KANK1: variants seen among roughly 807,000 people sequenced by gnomAD.
KANK1 encodes the protein KN motif and ankyrin repeat domains 1, also known as KN motif and ankyrin repeat domain-containing protein 1.
Under a neutral mutation model 106.2 loss-of-function variants are expected in KANK1, and 109 were observed. That is an observed-to-expected ratio of 1.03 (90% CI 0.88 to 1.20). KANK1 has a LOEUF of 1.20. Among genes scored for constraint, KANK1 ranks in the 50% most tolerant of loss-of-function variants. The pLI, the probability that KANK1 is intolerant of heterozygous loss-of-function variation, is 0.00. For synonymous variants in KANK1, 873 were observed against 652.2 expected, an observed-to-expected ratio of 1.34 and a Z score of -5.16; for missense variants, 2,399 against 1,710.7, an observed-to-expected ratio of 1.40 and a Z score of -7.10.
intron 2 of KANK1, chr9:706,758 C>T: frequency 1.0e-6 from 1 of 984,900 alleles, no homozygotes; most frequent in Non-Finnish European, 1.2e-6. Flanking sequence ...TGCTCTGGAA[C>T]CAGTGAGTGC....
intron 1 of KANK1, among the ~76,000 whole-genome samples, chr9:512,124 A>G (rs1018719133): frequency 6.6e-6 from 1 of 152,144 alleles, no homozygotes; most frequent in African/African-American, 2.4e-5. Context: ...TGGCAACTAC[A>G]TGTCTTCATG....
intron 1 of KANK1, among the ~76,000 whole-genome samples, chr9:562,252 C>T (rs1027636923): frequency 8.0e-5 from 12 of 150,898 alleles, no homozygotes; most frequent in Non-Finnish European, 1.3e-4. Context: ...CGGGGTTTCA[C>T]CTTGTTAGCC....
rs1326917345 is a variant in KANK1 at position 711,044 on chromosome 9, C to T, written c.278C>T (p.Ser93Leu). ...ATATGGACTTCCACTGAATCCCTCT[C>T]ATCCTCCAACAGTGATGACAACAAG... ...QGIWTSTESL[S>L]SSNSDDNKQC... Residue 93 changes from serine (S) to leucine (L), a missense_variant, in exon 3 of 12, where the codon TCA (serine) becomes TTA (leucine). Ser to Leu is a moderately radical substitution (Grantham distance 145). Coordinates refer to ENST00000382297, the MANE Select transcript of KANK1 (RefSeq NM_015158.5). The T allele has an allele frequency of 6.2e-7, 1 of 1,614,186 alleles. No individual in the cohort carries two copies. Among genetic ancestry groups the T allele is most frequent in the Admixed American group, 1.7e-5 (1 of 60,016 alleles).
At chr9:509,865 G>T (rs10974909) in intron 1 of KANK1, among the ~76,000 whole-genome samples, 1 of 152,128 alleles carries the variant, frequency 6.6e-6, no homozygotes, top group Non-Finnish European at 1.5e-5. Context: ...GACAGGATCA[G>T]AGCTCGCTGT....
chr9:730,275 G>C, intron 4 of KANK1, 27 bp downstream of exon 4: 1 of 1,608,052 alleles, frequency 6.2e-7, no homozygotes, highest in Non-Finnish European at 8.5e-7. Context: ...ACAGTCATTG[G>C]CATCAGGATT....
chr9:565,300 C>G (rs1234204272), intron 1 of KANK1, among the ~76,000 whole-genome samples: 1 of 152,162 alleles, frequency 6.6e-6, no homozygotes, highest in African/African-American at 2.4e-5. Context: ...ATAGTTCTTG[C>G]AATGGGAAAG....
rs148376689 is a variant in KANK1, at chr9:512,465, C to G, written c.-84+7711C>G. Reference sequence around the variant, plus strand: ...CTTTAGTTGTTTGCATGAGGCCCACCCACATTATGGAGGGCAGTCTCTTTT... The same window carrying G: ...CTTTAGTTGTTTGCATGAGGCCCACGCACATTATGGAGGGCAGTCTCTTTT... On this transcript the variant is annotated intron_variant, in intron 1 of 11. Transcript: ENST00000382297. 3.4e-3 allele frequency among the ~76,000 whole-genome samples: 520 copies of G among 151,956 alleles called. 6 individuals are homozygous for G. The highest frequency in any genetic ancestry group is 0.012 in the African/African-American group (498 of 41,392).
chr9:667,080 C>T (rs555440870), intron 1 of KANK1, among the ~76,000 whole-genome samples: 1 of 150,668 alleles, frequency 6.6e-6, no homozygotes, highest in Non-Finnish European at 1.5e-5. Flanking sequence ...AGATCCTCGA[C>T]TTTTCTTTGA....
At chr9:549,020 TG>T (rs2061106558) in intron 1 of KANK1, 1 of 152,158 alleles carries the variant, frequency 6.6e-6, no homozygotes, top group Non-Finnish European at 1.5e-5. Flanking sequence ...ATTATAGATA[TG>T]GTCATGTAAG....
At chr9:669,286 A>G (rs1456800644) in intron 1 of KANK1, among the ~76,000 whole-genome samples, 2 of 152,120 alleles carry the variant, frequency 1.3e-5, no homozygotes, top group Non-Finnish European at 2.9e-5. Flanking sequence ...GGGGGTTTCT[A>G]TACTTGATGT....
At chr9:581,199 G>C (rs779914877) in intron 1 of KANK1, among the ~76,000 whole-genome samples, 1 of 152,146 alleles carries the variant, frequency 6.6e-6, no homozygotes, top group Admixed American at 6.5e-5. Flanking sequence ...CTCCGGCCTC[G>C]GCCAGCCCAG....
At chr9:732,756 A>T in intron 6 of KANK1, 139 bp downstream of exon 6, 1 of 900,106 alleles carries the variant, frequency 1.1e-6, no homozygotes, top group South Asian at 1.7e-5. Context: ...TTGAGATACT[A>T]ATATATACAA....
chr9:624,512 G>T (rs1465749780), intron 1 of KANK1, among the ~76,000 whole-genome samples: 1 of 152,012 alleles, frequency 6.6e-6, no homozygotes, highest in African/African-American at 2.4e-5. Context: ...TAAAAACAAT[G>T]ATGAAAACAG....
upstream of KANK1, among the ~76,000 whole-genome samples, chr9:504,483 C>G (rs952854779): frequency 1.3e-5 from 2 of 151,612 alleles, no homozygotes; most frequent in Non-Finnish European, 2.9e-5. Context: ...CGGGCGTCCT[C>G]TGGGCGGAGG....
At chr9:744,716 G>A (rs1231874528) in intron 11 of KANK1, 127 bp downstream of exon 11, 1 of 1,568,448 alleles carries the variant, frequency 6.4e-7, no homozygotes, top group South Asian at 1.2e-5. Context: ...TTAGTCTGGA[G>A]CTTAAGAGTT....
chr9:633,134 T>A lies in KANK1; in HGVS notation c.-83-43756T>A, dbSNP rs549060791. Among the ~76,000 whole-genome samples the A allele has an allele frequency of 1.2e-3, 183 of 152,242 alleles. 2 individuals are homozygous for A. The highest frequency in any genetic ancestry group is 4.3e-4 in the Non-Finnish European group (29 of 68,014). Reference sequence around the variant, plus strand: ...TTTAGTGCCCCATAAGAAGGATATTTAATGAAACCTTTTATGGACTATTGA... The same window carrying A: ...TTTAGTGCCCCATAAGAAGGATATTAAATGAAACCTTTTATGGACTATTGA... On this transcript the variant is annotated intron_variant, in intron 1 of 11. Coordinates refer to ENST00000382297, the MANE Select transcript of KANK1 (RefSeq NM_015158.5).
chr9:684,165 A>T (rs1260266882), intron 2 of KANK1: 16 of 985,162 alleles, frequency 1.6e-5, no homozygotes, highest in Middle Eastern at 5.2e-4. Flanking sequence ...GCTTCGCCTT[A>T]TAAGCTTTCT....
intron 1 of KANK1, among the ~76,000 whole-genome samples, chr9:606,142 TACACAC>T (rs3028170): frequency 0.021 from 2,977 of 141,696 alleles, 53 homozygotes; most frequent in Middle Eastern, 0.039. Context: ...CACATATTCC[TACACAC>T]ACACACACAC....
At chr9:499,281 C>T (rs1235577112) in intron 3 of KANK1, among the ~76,000 whole-genome samples, 28 of 152,034 alleles carry the variant, frequency 1.8e-4, no homozygotes. Context: ...CAAAAACATG[C>T]ACTTGAATAT....
Sources: allele counts gnomAD v4.1 joint callset (sites outside exome capture counted in the v4.1 genomes callset), GRCh38; gene constraint gnomAD v4.1.1; transcripts MANE v1.5; gene names NCBI Gene and HGNC (gene_info 2026-07-23, HGNC 2026-07-21).